INPP4B: variants seen among roughly 807,000 people sequenced by gnomAD.
INPP4B encodes inositol polyphosphate 4-phosphatase type II.
INPP4B carries 55 observed loss-of-function variants against 122.5 expected under a neutral mutation model. That is an observed-to-expected ratio of 0.45 (90% CI 0.36 to 0.56). The LOEUF (loss-of-function observed/expected upper bound fraction) is 0.56, where lower values mean the gene tolerates loss of function less well. Among genes scored for constraint, INPP4B ranks in the 20% least tolerant of loss-of-function variants. The pLI is 0.00. For synonymous variants in INPP4B, 403 were observed against 388.7 expected (o/e 1.04, Z -0.43); for missense variants, 1,000 against 1,097.7 (o/e 0.91, Z 1.26).
At chr4:142,333,288 C>T (rs552919535) in intron 7 of INPP4B, among the ~76,000 whole-genome samples, 191 of 152,218 alleles carry the variant, frequency 1.3e-3, no homozygotes, top group Non-Finnish European at 2.3e-3. Flanking sequence ...TTAAGTCCTG[C>T]CCCAGACCAC....
chr4:142,531,112 G>C (rs930130610), intron 2 of INPP4B, among the ~76,000 whole-genome samples: 2 of 152,066 alleles, frequency 1.3e-5, no homozygotes, highest in Non-Finnish European at 2.9e-5. Context: ...GTTTGGACTA[G>C]AGCTTTAAGG....
At chr4:142,119,177 A>G (rs1167883580) in intron 21 of INPP4B, among the ~76,000 whole-genome samples, 1 of 152,206 alleles carries the variant, frequency 6.6e-6, no homozygotes, top group African/African-American at 2.4e-5. Flanking sequence ...GGGAAATAGG[A>G]ACACTTTTAT....
chr4:142,606,043 C>G (rs955905781), intron 2 of INPP4B, among the ~76,000 whole-genome samples: 2 of 151,880 alleles, frequency 1.3e-5, no homozygotes, highest in African/African-American at 4.8e-5. Context: ...TATACATATG[C>G]AATAGAATAC....
At chr4:142,254,837 T>G (rs1227623668) in intron 11 of INPP4B, among the ~76,000 whole-genome samples, 2 of 151,868 alleles carry the variant, frequency 1.3e-5, no homozygotes, top group African/African-American at 2.4e-5. Flanking sequence ...ACATTCAGAT[T>G]CAGGAAATAC....
intron 1 of INPP4B, among the ~76,000 whole-genome samples, chr4:142,825,163 C>T (rs956544347): frequency 6.6e-6 from 1 of 152,044 alleles, no homozygotes; most frequent in African/African-American, 2.4e-5. Context: ...CTATTTTCTT[C>T]GCTTTGACTT....
chr4:142,471,421 C>G (rs781071457), intron 2 of INPP4B, among the ~76,000 whole-genome samples: 1 of 152,192 alleles, frequency 6.6e-6, no homozygotes, highest in Non-Finnish European at 1.5e-5. Context: ...TGGAACATCT[C>G]TCCTACGTCA....
chr4:142,190,206 T>TA (rs1188838587), intron 15 of INPP4B, among the ~76,000 whole-genome samples: 1 of 24,336 alleles, frequency 4.1e-5, no homozygotes, highest in African/African-American at 8.3e-5. Flanking sequence ...TGTTTATTTT[T>TA]GTTTTTTTTT....
At chr4:142,577,692 T>A (rs1452318417) in intron 2 of INPP4B, among the ~76,000 whole-genome samples, 1 of 152,124 alleles carries the variant, frequency 6.6e-6, no homozygotes, top group African/African-American at 2.4e-5. Context: ...AATATATGTA[T>A]CCATTTTTAG....
intron 11 of INPP4B, among the ~76,000 whole-genome samples, chr4:142,243,164 A>T (rs1907137): frequency 1.3e-5 from 2 of 151,956 alleles, no homozygotes; most frequent in African/African-American, 2.4e-5. Context: ...TAACTGAAAG[A>T]CCCCTTTATG....
intron 18 of INPP4B, among the ~76,000 whole-genome samples, chr4:142,128,560 G>C (rs555327557): frequency 1.2e-4 from 19 of 152,234 alleles, no homozygotes; most frequent in African/African-American, 4.6e-4. Context: ...GTTTTAGTGT[G>C]TCTATAAGAA....
chr4:142,341,455 G>C lies in INPP4B; in HGVS notation c.373-26693C>G, dbSNP rs931189156. On this transcript the variant is annotated intron_variant, in intron 7 of 25. Transcript: ENST00000262992. ...TAACATTTAGCTGTGAATCATAGCA[G>C]CTGTGTGACTTTGGTTAATTTACTT... 4.3e-4 allele frequency among the ~76,000 whole-genome samples: 65 copies of C among 152,180 alleles called. 1 individual carries two copies. Among genetic ancestry groups the C allele is most frequent in the African/African-American group, 1.3e-3 (53 of 41,502 alleles).
chr4:142,756,932 A>G (rs979539503), intron 1 of INPP4B, among the ~76,000 whole-genome samples: 1 of 152,164 alleles, frequency 6.6e-6, no homozygotes, highest in African/African-American at 2.4e-5. Flanking sequence ...AAGATCTAAA[A>G]AGGAGTCCTA....
intron 3 of INPP4B, among the ~76,000 whole-genome samples, chr4:142,449,963 C>T (rs1813784992): frequency 2.0e-5 from 3 of 152,132 alleles, no homozygotes; most frequent in African/African-American, 7.2e-5. Flanking sequence ...CATGTCCTAC[C>T]ATCAGCACTT....
intron 11 of INPP4B, among the ~76,000 whole-genome samples, chr4:142,245,288 C>T (rs991069469): frequency 6.6e-6 from 1 of 152,026 alleles, no homozygotes; most frequent in African/African-American, 2.4e-5. Context: ...AAGTCTTTGC[C>T]CATGCCTATG....
At chr4:142,814,117 G>A (rs10519666) in intron 1 of INPP4B, among the ~76,000 whole-genome samples, 38,708 of 152,186 alleles carry the variant, frequency 0.25, 5,078 homozygotes, top group South Asian at 0.34. Flanking sequence ...CTATCAGGGT[G>A]TTCCACCATT....
chr4:142,191,456 C>T (rs903702083), intron 15 of INPP4B, among the ~76,000 whole-genome samples: 2 of 152,176 alleles, frequency 1.3e-5, no homozygotes, highest in African/African-American at 2.4e-5. Context: ...CCTTCATCCC[C>T]ACTCAGATTC....
intron 11 of INPP4B, among the ~76,000 whole-genome samples, chr4:142,244,012 T>C (rs557525843): frequency 5.9e-5 from 9 of 152,074 alleles, no homozygotes; most frequent in African/African-American, 2.2e-4. Context: ...GCTGCACCCA[T>C]CAACAAGTCA....
chr4:142,201,575 C>T (rs77490000), intron 14 of INPP4B, among the ~76,000 whole-genome samples: 4,538 of 152,004 alleles, frequency 0.03, 215 homozygotes, highest in African/African-American at 0.1. Flanking sequence ...TTCCTGGTCT[C>T]TTCAGCTGAT....
rs528792603 is a variant in INPP4B at position 142,840,455 on chromosome 4, A to G, written c.-254+5754T>C. 2.0e-5 allele frequency among the ~76,000 whole-genome samples: 3 copies of G among 152,228 alleles called. No individual in the cohort carries two copies. The South Asian group carries it at 6.2e-4, about 32-fold the overall frequency. ...TTTCTCTTACCCAGACACAAACAGAATTTTAGCATATTTAATTTAATTCCT... is the reference window on the plus strand; with the variant it reads ...TTTCTCTTACCCAGACACAAACAGAGTTTTAGCATATTTAATTTAATTCCT... On this transcript the variant is annotated intron_variant, in intron 1 of 25. Transcript: ENST00000262992.
Sources: allele counts gnomAD v4.1 joint callset (sites outside exome capture counted in the v4.1 genomes callset), GRCh38; gene constraint gnomAD v4.1.1; transcripts MANE v1.5; gene names NCBI Gene and HGNC (gene_info 2026-07-23, HGNC 2026-07-21).